NYAP2: variants seen among roughly 807,000 people sequenced by gnomAD.
NYAP2 encodes neuronal tyrosine-phosphorylated phosphoinositide-3-kinase adapter 2.
In NYAP2, 23 loss-of-function variants were observed where a neutral mutation model predicts 50.4. That is an observed-to-expected ratio of 0.46 (90% CI 0.33 to 0.65). The LOEUF is 0.65. Ranked by LOEUF, NYAP2 falls within the 30% of genes least tolerant of loss-of-function variation. The pLI, the probability that NYAP2 is intolerant of heterozygous loss-of-function variation, is 0.02. For synonymous variants in NYAP2, 394 were observed against 365.2 expected (o/e 1.08, Z -0.90); for missense variants, 885 against 861.0 (o/e 1.03, Z -0.35).
chr2:225,547,876 A>G (rs1237705333), intron 4 of NYAP2, among the ~76,000 whole-genome samples: 1 of 152,122 alleles, frequency 6.6e-6, no homozygotes, highest in Non-Finnish European at 1.5e-5. Context: ...TGATGATTCT[A>G]TTTAGCCATC....
At chr2:225,535,901 A>G (rs1691341339) in intron 4 of NYAP2, among the ~76,000 whole-genome samples, 1 of 152,194 alleles carries the variant, frequency 6.6e-6, no homozygotes, top group Admixed American at 6.5e-5. Context: ...TATCTAGAAT[A>G]TGTGTGTCTT....
intron 3 of NYAP2, among the ~76,000 whole-genome samples, chr2:225,492,953 G>A (rs1381395201): frequency 6.6e-6 from 1 of 151,720 alleles, no homozygotes; most frequent in Non-Finnish European, 1.5e-5. Flanking sequence ...CCTGGCAGAG[G>A]AATGTGTGCT....
At chr2:225,571,844 C>A (rs1206515393) in intron 4 of NYAP2, among the ~76,000 whole-genome samples, 1 of 152,192 alleles carries the variant, frequency 6.6e-6, no homozygotes, top group East Asian at 1.9e-4. Flanking sequence ...ATGGGTTTTT[C>A]TTTTCTGTTG....
the NYAP2 span, among the ~76,000 whole-genome samples, chr2:225,683,313 GA>G: frequency 6.6e-6 from 1 of 152,302 alleles, no homozygotes; most frequent in East Asian, 1.9e-4. Context: ...GAGAGCCTGA[GA>G]GGGGAGAGCC....
At chr2:225,445,031 A>G (rs1351925019) in intron 3 of NYAP2, among the ~76,000 whole-genome samples, 1 of 152,160 alleles carries the variant, frequency 6.6e-6, no homozygotes, top group Non-Finnish European at 1.5e-5. Context: ...GCATTTAACT[A>G]TGCTTATATA....
At chr2:225,691,435 T>C in the NYAP2 span, among the ~76,000 whole-genome samples, 1 of 152,158 alleles carries the variant, frequency 6.6e-6, no homozygotes, top group African/African-American at 2.4e-5. Context: ...AACAAATTCT[T>C]ACTCATGGAC....
intron 4 of NYAP2, among the ~76,000 whole-genome samples, chr2:225,526,681 C>T (rs1038456430): frequency 6.6e-6 from 1 of 152,164 alleles, no homozygotes; most frequent in African/African-American, 2.4e-5. Flanking sequence ...TAGCAAGTGG[C>T]ACTTGTACTT....
At chr2:225,665,574 T>A in the NYAP2 span, among the ~76,000 whole-genome samples, 5 of 137,238 alleles carry the variant, frequency 3.6e-5, no homozygotes, top group Non-Finnish European at 7.6e-5. Context: ...CCCTAGCTCC[T>A]TTTTTTTTTG....
chr2:225,560,072 G>T (rs1349970308), intron 4 of NYAP2, among the ~76,000 whole-genome samples: 1 of 151,892 alleles, frequency 6.6e-6, no homozygotes, highest in Non-Finnish European at 1.5e-5. Flanking sequence ...ATGCAAAAAA[G>T]AATATGTAAA....
intron 6 of NYAP2, among the ~76,000 whole-genome samples, chr2:225,648,003 AT>A (rs1276979760): frequency 6.6e-6 from 1 of 151,654 alleles, no homozygotes; most frequent in Non-Finnish European, 1.5e-5. Context: ...TATATAATTT[AT>A]TTATTTATTT....
At chr2:225,602,691 A>T (rs1380771575) in intron 5 of NYAP2, among the ~76,000 whole-genome samples, 1 of 152,154 alleles carries the variant, frequency 6.6e-6, no homozygotes. Context: ...ATGGATATTC[A>T]GTTTTCCAAA....
chr2:225,576,184 A>C (rs1309459917), intron 4 of NYAP2, among the ~76,000 whole-genome samples: 1 of 152,232 alleles, frequency 6.6e-6, no homozygotes, highest in Non-Finnish European at 1.5e-5. Flanking sequence ...AGACCCTTTC[A>C]GTCCCACTTG....
chr2:225,615,705 A>AGT (rs921241168), intron 5 of NYAP2, among the ~76,000 whole-genome samples: 1 of 152,136 alleles, frequency 6.6e-6, no homozygotes, highest in African/African-American at 2.4e-5. Context: ...TGAATGTCAC[A>AGT]GTGTGTGTCA....
intron 4 of NYAP2, among the ~76,000 whole-genome samples, chr2:225,533,643 C>T (rs902797941): frequency 1.3e-5 from 2 of 151,716 alleles, no homozygotes; most frequent in East Asian, 1.9e-4. Flanking sequence ...GAGCCAAGAT[C>T]GCACCACTAC....
chr2:225,682,105 T>G, the NYAP2 span, among the ~76,000 whole-genome samples: 13 of 152,330 alleles, frequency 8.5e-5, no homozygotes, highest in African/African-American at 3.1e-4. Flanking sequence ...ATCTTGAGCT[T>G]GAACATGCCT....
chr2:225,425,147 C>T (rs1010917313), intron 3 of NYAP2, among the ~76,000 whole-genome samples: 2 of 152,036 alleles, frequency 1.3e-5, no homozygotes, highest in African/African-American at 4.8e-5. Context: ...GTGGACTGGC[C>T]ATGTAATCTC....
At chr2:225,517,367 A>G (rs1023086793) in intron 4 of NYAP2, among the ~76,000 whole-genome samples, 7 of 152,188 alleles carry the variant, frequency 4.6e-5, no homozygotes, top group Admixed American at 2.0e-4. Context: ...TGATCCAGCA[A>G]AAGGAGGGAG....
At chr2:225,622,563 C>CTTTCTTTCTTTCTTTCTT (rs1693134939) in intron 5 of NYAP2, among the ~76,000 whole-genome samples, 1 of 43,720 alleles carries the variant, frequency 2.3e-5, no homozygotes. Flanking sequence ...CTTTCTTTTT[C>CTTTCTTTCTTTCTTTCTT]TTTCTTTCTT....
chr2:225,407,449 A>G (rs1454221829), intron 2 of NYAP2, among the ~76,000 whole-genome samples: 12 of 151,970 alleles, frequency 7.9e-5, no homozygotes, highest in Non-Finnish European at 1.8e-4. Flanking sequence ...AATTTCTTAG[A>G]TAGGAGAGAA....
Sources: allele counts gnomAD v4.1 joint callset (sites outside exome capture counted in the v4.1 genomes callset), GRCh38; gene constraint gnomAD v4.1.1; transcripts MANE v1.5; gene names NCBI Gene and HGNC (gene_info 2026-07-23, HGNC 2026-07-21).